Variants in PPP2R2B observed in about 807,000 individuals in gnomAD.
PPP2R2B encodes the protein serine/threonine-protein phosphatase 2A 55 kDa regulatory subunit B beta isoform.
Under a neutral mutation model 46.0 loss-of-function variants are expected in PPP2R2B, and 5 were observed. The observed-to-expected ratio is 0.11, with a 90% CI of 0.06 to 0.23. The LOEUF is 0.23. PPP2R2B is among the 10% of genes least tolerant of loss of function. PPP2R2B has a pLI of 1.00. For synonymous variants in PPP2R2B, 215 were observed against 206.7 expected, an observed-to-expected ratio of 1.04 and a Z score of -0.34; for missense variants, 367 against 575.0, an observed-to-expected ratio of 0.64 and a Z score of 3.70.
At chr5:146,819,216 C>T (rs1247116210) in intron 2 of PPP2R2B, among the ~76,000 whole-genome samples, 1 of 152,184 alleles carries the variant, frequency 6.6e-6, no homozygotes, top group East Asian at 1.9e-4. Flanking sequence ...CACCACCAGG[C>T]TGCTGCTCTC....
At chr5:146,829,003 A>G (rs1471078109) in intron 2 of PPP2R2B, among the ~76,000 whole-genome samples, 2 of 152,222 alleles carry the variant, frequency 1.3e-5, no homozygotes, top group African/African-American at 4.8e-5. Context: ...AACATAGAGA[A>G]GAACGGGTAA....
At chr5:146,756,333 A>G (rs1227231704) in intron 2 of PPP2R2B, among the ~76,000 whole-genome samples, 1 of 152,164 alleles carries the variant, frequency 6.6e-6, no homozygotes, top group Non-Finnish European at 1.5e-5. Context: ...TTTCAATCCC[A>G]GCATCTGCAG....
intron 2 of PPP2R2B, chr5:146,706,410 T>C: frequency 1.2e-6 from 1 of 845,014 alleles, no homozygotes; most frequent in Non-Finnish European, 1.9e-6. Flanking sequence ...CCGCTGGTGG[T>C]CTTCGTATGG....
chr5:146,621,034 A>T (rs2151056343), intron 7 of PPP2R2B, among the ~76,000 whole-genome samples: 1 of 152,326 alleles, frequency 6.6e-6, no homozygotes, highest in South Asian at 2.1e-4. Context: ...ACTGACAGTG[A>T]TCTCCCTGCA....
intron 2 of PPP2R2B, among the ~76,000 whole-genome samples, chr5:146,769,500 A>G (rs769749058): frequency 2.6e-5 from 4 of 152,234 alleles, no homozygotes; most frequent in Non-Finnish European, 5.9e-5. Flanking sequence ...TTTTCTCACT[A>G]GATTTGCAAG....
At chr5:146,779,763 T>C (rs1755397108) in intron 2 of PPP2R2B, among the ~76,000 whole-genome samples, 1 of 152,102 alleles carries the variant, frequency 6.6e-6, no homozygotes. Context: ...AATGAAGGTT[T>C]TCAGATGCTG....
chr5:146,919,424 T>C (rs564198648), intron 1 of PPP2R2B: 7 of 152,342 alleles, frequency 4.6e-5, no homozygotes, highest in African/African-American at 1.4e-4. Flanking sequence ...TTCTCAACTA[T>C]AGGTGGTAGT....
intron 1 of PPP2R2B, among the ~76,000 whole-genome samples, chr5:147,043,958 A>G (rs1370232420): frequency 1.3e-5 from 2 of 149,370 alleles, no homozygotes; most frequent in African/African-American, 4.8e-5. Context: ...ACTTTGGGCA[A>G]CTTACTTATC....
intron 1 of PPP2R2B, among the ~76,000 whole-genome samples, chr5:147,051,883 C>G (rs1026672433): frequency 1.1e-4 from 16 of 151,086 alleles, no homozygotes; most frequent in South Asian, 2.1e-4. Context: ...CTGCCTCAGC[C>G]TCCCAAGTAG....
At chr5:147,049,400 C>A (rs538557583) in intron 1 of PPP2R2B, among the ~76,000 whole-genome samples, 1 of 151,966 alleles carries the variant, frequency 6.6e-6, no homozygotes, top group South Asian at 2.1e-4. Context: ...GGGAAATCAA[C>A]AGGTCTGTTT....
intron 2 of PPP2R2B, among the ~76,000 whole-genome samples, chr5:146,861,427 G>A (rs371890136): frequency 2.0e-5 from 3 of 151,196 alleles, no homozygotes; most frequent in East Asian, 3.9e-4. Flanking sequence ...TCCTGACCTC[G>A]TGATCCACCC....
intron 2 of PPP2R2B, among the ~76,000 whole-genome samples, chr5:146,849,495 T>G (rs1760212950): frequency 6.6e-6 from 1 of 152,222 alleles, no homozygotes; most frequent in African/African-American, 2.4e-5. Context: ...TTGGCACATA[T>G]AATGTACATG....
chr5:146,845,227 C>T (rs371201406), intron 2 of PPP2R2B, among the ~76,000 whole-genome samples: 61 of 152,178 alleles, frequency 4.0e-4, no homozygotes, highest in African/African-American at 1.4e-3. Context: ...AAAGCCATCT[C>T]ATCATTATCC....
chr5:147,057,127 CAA>C (rs1757111470), upstream of PPP2R2B, among the ~76,000 whole-genome samples: 1 of 152,166 alleles, frequency 6.6e-6, no homozygotes, highest in African/African-American at 2.4e-5. Flanking sequence ...AGGGAAAAAA[CAA>C]AGTCATTAGA....
chr5:147,067,836 G>A (rs1335828620), intron 2 of PPP2R2B, among the ~76,000 whole-genome samples: 6 of 152,132 alleles, frequency 3.9e-5, no homozygotes, highest in African/African-American at 1.4e-4. Flanking sequence ...GGTGTAAGAA[G>A]TCCTAATTAA....
chr5:146,911,381 C>A (rs1248394361), intron 1 of PPP2R2B, among the ~76,000 whole-genome samples: 1 of 152,156 alleles, frequency 6.6e-6, no homozygotes, highest in East Asian at 1.9e-4. Flanking sequence ...GGTGGCCAGC[C>A]TCTTGACTTT....
intron 2 of PPP2R2B, among the ~76,000 whole-genome samples, chr5:146,795,923 T>A (rs1271325818): frequency 6.6e-6 from 1 of 152,188 alleles, no homozygotes; most frequent in East Asian, 1.9e-4. Flanking sequence ...CATTAGTGAC[T>A]ATCATTTTTA....
intron 1 of PPP2R2B, among the ~76,000 whole-genome samples, chr5:146,987,673 CAAAAT>C (rs561886572): frequency 7.6e-4 from 115 of 151,512 alleles, no homozygotes; most frequent in Non-Finnish European, 5.8e-4. Flanking sequence ...TACTACCAGA[CAAAAT>C]AAACCCAAAA....
chr5:146,862,154 T>C (rs544175651), intron 2 of PPP2R2B, among the ~76,000 whole-genome samples: 1 of 152,298 alleles, frequency 6.6e-6, no homozygotes, highest in South Asian at 2.1e-4. Flanking sequence ...TAAACTTTAG[T>C]TGGGGTAGGA....
Sources: gnomAD v4.1 joint callset for allele counts (sites outside exome capture counted in the v4.1 genomes callset) on GRCh38, gnomAD v4.1.1 for gene constraint, MANE v1.5 for transcripts, NCBI Gene and HGNC (gene_info 2026-07-23, HGNC 2026-07-21) for gene names.